Variants in CDH13 observed in about 807,000 individuals in gnomAD.
The protein encoded by CDH13 is cadherin-13.
Under a neutral mutation model 63.8 loss-of-function variants are expected in CDH13, and 24 were observed. The observed-to-expected ratio is 0.38, with a 90% CI of 0.27 to 0.53. The LOEUF (loss-of-function observed/expected upper bound fraction) is 0.53. CDH13 is among the 20% of genes least tolerant of loss of function. The pLI is 0.85. For synonymous variants in CDH13, 503 were observed against 355.3 expected (o/e 1.42, Z -4.67); for missense variants, 1,049 against 903.1 (o/e 1.16, Z -2.07).
At chr16:82,669,545 G>GA (rs1324053237) in intron 1 of CDH13, among the ~76,000 whole-genome samples, 1 of 152,104 alleles carries the variant, frequency 6.6e-6, no homozygotes, top group Non-Finnish European at 1.5e-5. Context: ...AATTTGACTG[G>GA]AAAAAATCCA....
chr16:83,667,644 C>G (rs1169065109), intron 8 of CDH13, among the ~76,000 whole-genome samples: 2 of 152,092 alleles, frequency 1.3e-5, no homozygotes, highest in Non-Finnish European at 2.9e-5. Flanking sequence ...ATTTTTAATT[C>G]TTTTCTTCAC....
chr16:83,155,110 T>G (rs7186426), intron 4 of CDH13, among the ~76,000 whole-genome samples: 2 of 152,080 alleles, frequency 1.3e-5, no homozygotes, highest in East Asian at 3.9e-4. Context: ...TCATTTACTA[T>G]TAGAGAATGT....
At chr16:82,875,552 C>T (rs79882099) in intron 2 of CDH13, among the ~76,000 whole-genome samples, 10 of 152,152 alleles carry the variant, frequency 6.6e-5, no homozygotes, top group East Asian at 3.9e-4. Context: ...CAGTGAATGA[C>T]GATATTTGTT....
At chr16:83,625,660 G>A (rs773464058) in intron 8 of CDH13, among the ~76,000 whole-genome samples, 3 of 152,200 alleles carry the variant, frequency 2.0e-5, no homozygotes, top group Non-Finnish European at 4.4e-5. Flanking sequence ...TGGGTCTCAT[G>A]CACTTGTAAT....
chr16:83,439,599 C>G (rs1049122779), intron 6 of CDH13, among the ~76,000 whole-genome samples: 4 of 152,182 alleles, frequency 2.6e-5, no homozygotes, highest in Admixed American at 6.5e-5. Flanking sequence ...GGCAAAGAAG[C>G]AGCTATTGTT....
intron 8 of CDH13, among the ~76,000 whole-genome samples, chr16:83,648,135 C>T (rs1395492706): frequency 6.6e-6 from 1 of 152,012 alleles, no homozygotes; most frequent in Admixed American, 6.6e-5. Flanking sequence ...TAAGGGAAAC[C>T]AAAGCCATAC....
At chr16:83,260,939 C>CGGG (rs1906913400) in intron 5 of CDH13, among the ~76,000 whole-genome samples, 1 of 151,918 alleles carries the variant, frequency 6.6e-6, no homozygotes, top group Non-Finnish European at 1.5e-5. Context: ...GGCCATGTAT[C>CGGG]GGGGGAGCTC....
At chr16:83,370,654 G>C (rs1567623378) in intron 6 of CDH13, among the ~76,000 whole-genome samples, 1 of 152,108 alleles carries the variant, frequency 6.6e-6, no homozygotes, top group Non-Finnish European at 1.5e-5. Flanking sequence ...CCTGGTGACT[G>C]TTGATCCCTT....
At chr16:82,800,725 A>T (rs2036809490) in intron 1 of CDH13, among the ~76,000 whole-genome samples, 1 of 152,216 alleles carries the variant, frequency 6.6e-6, no homozygotes, top group African/African-American at 2.4e-5. Flanking sequence ...TATAGAAAAG[A>T]GAAAGAACAG....
chr16:82,896,770 CTTTTTTTTTTTTTT>C (rs71382855), intron 2 of CDH13, among the ~76,000 whole-genome samples: 2 of 55,518 alleles, frequency 3.6e-5, no homozygotes, highest in East Asian at 7.1e-4. Flanking sequence ...CTGTGCAATT[CTTTTTTTTTTTTTT>C]TTTTTTTTTT....
intron 7 of CDH13, among the ~76,000 whole-genome samples, chr16:83,522,428 C>G (rs915985888): frequency 6.6e-6 from 1 of 152,142 alleles, no homozygotes; most frequent in African/African-American, 2.4e-5. Flanking sequence ...GCGCAATATG[C>G]AACCGTGGAG....
chr16:83,186,536 G>A (rs1270111545), intron 4 of CDH13, among the ~76,000 whole-genome samples: 1 of 151,984 alleles, frequency 6.6e-6, no homozygotes, highest in African/African-American at 2.4e-5. Flanking sequence ...TAGTATTTTT[G>A]TTGTTATTGT....
At chr16:82,777,094 C>G (rs1318860436) in intron 1 of CDH13, among the ~76,000 whole-genome samples, 2 of 152,154 alleles carry the variant, frequency 1.3e-5, no homozygotes, top group African/African-American at 4.8e-5. Flanking sequence ...TACAGACATA[C>G]ACTACCACAC....
intron 7 of CDH13, among the ~76,000 whole-genome samples, chr16:83,543,594 T>A (rs867200581): frequency 6.6e-6 from 1 of 152,194 alleles, no homozygotes; most frequent in South Asian, 2.1e-4. Flanking sequence ...CATATATCAC[T>A]GTTAATTTTC....
At chr16:83,579,473 AAG>A (rs1330654073) in intron 7 of CDH13, among the ~76,000 whole-genome samples, 1 of 151,978 alleles carries the variant, frequency 6.6e-6, no homozygotes, top group African/African-American at 2.4e-5. Flanking sequence ...GAGAAGGAGG[AAG>A]AGAGAGAAGG....
At chr16:83,602,308 A>G (rs1329361229) in intron 7 of CDH13, 146 bp from the exon 8 acceptor site, 26 of 803,224 alleles carry the variant, frequency 3.2e-5, no homozygotes, top group Non-Finnish European at 1.5e-5. Context: ...TTTATACACA[A>G]TAGGTAAAAA....
At position 83,053,411 on chromosome 16, in the gene CDH13, C is replaced by T. The variant is rs969783038; in HGVS notation, c.366+21193C>T. 3.3e-5 allele frequency among the ~76,000 whole-genome samples: 5 copies of T among 152,144 alleles called. No individual in the cohort carries two copies. The East Asian group carries it at 7.7e-4, about 24-fold the overall frequency. On this transcript the variant is annotated intron_variant, in intron 3 of 13. Transcript: ENST00000567109. Reference sequence around the variant, plus strand: ...CTCTCCTGGGGTATCAGAAGACACACTCACATTAGGATAATGCAGATAAGA... The same window carrying T: ...CTCTCCTGGGGTATCAGAAGACACATTCACATTAGGATAATGCAGATAAGA...
chr16:83,773,392 G>A (rs952518505), intron 11 of CDH13, among the ~76,000 whole-genome samples: 5 of 152,186 alleles, frequency 3.3e-5, no homozygotes, highest in Admixed American at 2.6e-4. Flanking sequence ...TGGCTGGGGA[G>A]GCCTCAGGAA....
chr16:83,602,366 G>C (rs1251396134), intron 7 of CDH13, 88 bp from the exon 8 acceptor site: 8 of 1,325,990 alleles, frequency 6.0e-6, no homozygotes, highest in Non-Finnish European at 8.7e-6. Flanking sequence ...GAGGGGGAGA[G>C]ACAGCTCCAG....
Sources: allele counts gnomAD v4.1 joint callset (sites outside exome capture counted in the v4.1 genomes callset), GRCh38; gene constraint gnomAD v4.1.1; transcripts MANE v1.5; gene names NCBI Gene and HGNC (gene_info 2026-07-23, HGNC 2026-07-21).